The following SLC5A1 variants were observed in gnomAD, a reference collection of about 807,000 sequenced individuals.
SLC5A1 encodes the protein solute carrier family 5 member 1.
A neutral mutation model predicts 73.5 loss-of-function variants in SLC5A1; 42 were observed. That is an observed-to-expected ratio of 0.57 (90% CI 0.45 to 0.74). The LOEUF (loss-of-function observed/expected upper bound fraction) is 0.74. SLC5A1 is among the 30% of genes least tolerant of loss of function. The pLI is 0.00. For missense variants in SLC5A1, 634 were observed against 855.4 expected (o/e 0.74, Z 3.23); for synonymous variants, 300 against 317.4 (o/e 0.95, Z 0.58).
chr22:32,045,108 GCACTCTGC>G (rs1470598535), intron 1 of SLC5A1, among the ~76,000 whole-genome samples: 1 of 152,122 alleles, frequency 6.6e-6, no homozygotes, highest in African/African-American at 2.4e-5. Context: ...ATGGTACCAG[GCACTCTGC>G]CACTGTGACT....
At chr22:32,068,104 A>G (rs2093977089) in intron 4 of SLC5A1, 78 bp downstream of exon 4, 2 of 1,372,588 alleles carry the variant, frequency 1.5e-6, no homozygotes, top group Admixed American at 1.7e-5. Flanking sequence ...GGCAGAGGAG[A>G]CATTATGGGA....
intron 1 of SLC5A1, among the ~76,000 whole-genome samples, chr22:32,047,186 T>C (rs1388912992): frequency 6.6e-6 from 1 of 152,042 alleles, no homozygotes; most frequent in African/African-American, 2.4e-5. Context: ...TTGAGGGGCC[T>C]TGAAGGATGA....
intron 11 of SLC5A1, among the ~76,000 whole-genome samples, 192 bp from the exon 12 acceptor site, chr22:32,098,991 C>T (rs2149496440): frequency 6.8e-6 from 1 of 147,104 alleles, no homozygotes; most frequent in South Asian, 2.2e-4. Context: ...GAGGCTGAGG[C>T]AGGAGAATGG....
Position 32,070,900 on chromosome 22 carries a change from G to T in SLC5A1, c.477+2300G>T, listed in dbSNP as rs144443010. 2.1e-3 allele frequency among the ~76,000 whole-genome samples: 327 copies of T among 152,228 alleles called. 2 individuals are homozygous for T. The highest frequency in any genetic ancestry group is 7.5e-3 in the African/African-American group (310 of 41,536). ...GGTATGAAAAGAAAAGAAAAGAAAA[G>T]AAAATGTAAATGATAAGGAATAAGA... On this transcript the variant is annotated intron_variant, in intron 5 of 14. Coordinates refer to ENST00000266088, the MANE Select transcript of SLC5A1 (RefSeq NM_000343.4).
Position 32,111,629 on chromosome 22 carries a change from G to T in SLC5A1, c.*1416G>T, listed in dbSNP as rs796426786. The T allele has an allele frequency of 6.6e-5, 10 of 152,332 alleles. No individual in the cohort carries two copies. Among genetic ancestry groups the T allele is most frequent in the African/African-American group, 2.4e-4 (10 of 41,562 alleles). 9.4% of individuals were successfully genotyped at this position (152,332 alleles called of 1,614,324 possible). A position where few individuals can be genotyped will look rare whatever the true frequency, so the allele number is the denominator to read the frequency against. On this transcript the variant is annotated 3_prime_UTR_variant, in exon 15 of 15. Coordinates refer to ENST00000266088, the MANE Select transcript of SLC5A1 (RefSeq NM_000343.4). ...TTACAAACTGAACGTATGTAGGTGA[G>T]GCAAGGCAGGGTAGGGCAGGGCCTT...
chr22:32,088,336 CT>C (rs5844962), intron 10 of SLC5A1, among the ~76,000 whole-genome samples: 285 of 134,674 alleles, frequency 2.1e-3, no homozygotes, highest in Admixed American at 2.9e-3. Context: ...TACTGCATTC[CT>C]TTTTTTTTTT....
At chr22:32,089,422 A>G (rs2094013421) in intron 10 of SLC5A1, among the ~76,000 whole-genome samples, 1 of 149,562 alleles carries the variant, frequency 6.7e-6, no homozygotes, top group Admixed American at 6.7e-5. Flanking sequence ...TTCCAAAAAG[A>G]TCTCAAGAGG....
chr22:32,067,820 G>A (rs2093976372), intron 3 of SLC5A1, 147 bp from the exon 4 acceptor site: 1 of 823,810 alleles, frequency 1.2e-6, no homozygotes. Context: ...GGGTCAGTTA[G>A]GCAGCAAAGG....
intron 3 of SLC5A1, 129 bp downstream of exon 3, chr22:32,067,168 G>C: frequency 1.4e-6 from 1 of 722,538 alleles, no homozygotes; most frequent in Non-Finnish European, 2.4e-6. Flanking sequence ...TGCAGACAGA[G>C]GAGGGGCATG....
chr22:32,049,961 C>T lies in SLC5A1; in HGVS notation c.154C>T (p.Arg52Cys), dbSNP rs767673239. 1.5e-5 allele frequency: 24 copies of T among 1,614,056 alleles called. No homozygotes were observed. The highest frequency in any genetic ancestry group is 1.9e-5 in the Non-Finnish European group (23 of 1,179,920). ...TCCTCAGGCTATGTTTTCCACCAAT[C>T]GTGGGACTGTTGGAGGCTTCTTCCT... ...VGLWAMFSTN[R>C]GTVGGFFLAG... The change falls in exon 2 of 15, where the codon CGT becomes TGT. Residue 52 changes from arginine to cysteine, a missense_variant. Physicochemically the swap from Arg to Cys is radical, Grantham distance 180 (BLOSUM62 -3). Around this residue, in one of 3 missense-constraint regions of SLC5A1, gnomAD observed 422 missense variants for 626.1 expected, o/e 0.67. Coordinates refer to ENST00000266088, the MANE Select transcript of SLC5A1 (RefSeq NM_000343.4).
At chr22:32,081,068 C>T (rs1326541930) in intron 5 of SLC5A1, among the ~76,000 whole-genome samples, 1 of 152,052 alleles carries the variant, frequency 6.6e-6, no homozygotes. Flanking sequence ...TTGGAGATGA[C>T]ATGAACATGC....
chr22:32,066,710 A>G (rs1196108539), intron 2 of SLC5A1, among the ~76,000 whole-genome samples: 2 of 152,218 alleles, frequency 1.3e-5, no homozygotes, highest in Non-Finnish European at 2.9e-5. Context: ...GATACATCCC[A>G]CTGCTCCTTC....
intron 13 of SLC5A1, among the ~76,000 whole-genome samples, chr22:32,104,350 C>G (rs1017170214): frequency 3.9e-5 from 6 of 152,212 alleles, no homozygotes; most frequent in Non-Finnish European, 7.3e-5. Context: ...TTCAGCTCTA[C>G]CATATTCTAT....
At position 32,108,789 on chromosome 22, in the gene SLC5A1, C is replaced by A. The variant is rs559543368; in HGVS notation, c.1772-1201C>A. Among the ~76,000 whole-genome samples the A allele has an allele frequency of 2.0e-5, 3 of 152,238 alleles. No individual in the cohort carries two copies. The South Asian group carries it at 6.2e-4, about 32-fold the overall frequency. ...AGATAAGGGAGGTGAATTAACAAGA[C>A]CATAAAGCCAGGTTTTGGTCCCAAT... On this transcript the variant is annotated intron_variant, in intron 14 of 14. Coordinates refer to ENST00000266088, the MANE Select transcript of SLC5A1 (RefSeq NM_000343.4).
chr22:32,049,454 A>G (rs2093942384), intron 1 of SLC5A1, among the ~76,000 whole-genome samples: 1 of 137,498 alleles, frequency 7.3e-6, no homozygotes, highest in Non-Finnish European at 1.5e-5. Flanking sequence ...TATGTTGCCC[A>G]GGCTGGTCTT....
intron 5 of SLC5A1, among the ~76,000 whole-genome samples, chr22:32,071,626 T>C (rs1299163976): frequency 2.0e-5 from 3 of 152,064 alleles, no homozygotes; most frequent in Non-Finnish European, 4.4e-5. Context: ...AGTTGCAAAG[T>C]GCTCATTGCT....
intron 14 of SLC5A1, among the ~76,000 whole-genome samples, chr22:32,105,620 A>G (rs965645937): frequency 1.3e-5 from 2 of 152,156 alleles, no homozygotes; most frequent in African/African-American, 4.8e-5. Flanking sequence ...TAAAATGTAC[A>G]ATTAAGTTTT....
Position 32,091,757 on chromosome 22 carries a change from C to A in SLC5A1, c.1275C>A (p.Ala425=). 1 of 1,613,592 alleles carries A rather than the reference C, an allele frequency of 6.2e-7. No individual in the cohort carries two copies. The highest frequency in any genetic ancestry group is 1.7e-4 in the Middle Eastern group (1 of 6,058). ...CATCTGAGAAAGAGCTCATGATTGCCGGAAGGTAAATGCAGCTTCCCCCAA... is the reference window on the plus strand; with the variant it reads ...CATCTGAGAAAGAGCTCATGATTGCAGGAAGGTAAATGCAGCTTCCCCCAA... The part of the protein sequence containing the change: ...KRASEKELMI[A]GRLFILVLIG... Residue 425 remains alanine (A), a synonymous_variant, in exon 11 of 15, where the codon GCC becomes GCA. Transcript: ENST00000266088.
At chr22:32,069,423 G>C (rs2093979336) in intron 5 of SLC5A1, among the ~76,000 whole-genome samples, 1 of 152,068 alleles carries the variant, frequency 6.6e-6, no homozygotes, top group African/African-American at 2.4e-5. Context: ...GGGCTTAGTA[G>C]TGTGTGCCTG....
Sources: allele counts gnomAD v4.1 joint callset (sites outside exome capture counted in the v4.1 genomes callset), GRCh38; gene constraint gnomAD v4.1.1; regional missense constraint gnomAD v4.1.1; transcripts MANE v1.5; gene names NCBI Gene and HGNC (gene_info 2026-07-23, HGNC 2026-07-21).